The following FLT3 variants were observed in gnomAD, a reference collection of about 807,000 sequenced individuals.
The protein encoded by FLT3 is fms related receptor tyrosine kinase 3.
A neutral mutation model predicts 126.6 loss-of-function variants in FLT3; 46 were observed. The observed-to-expected ratio is 0.36, with a 90% confidence interval of 0.29 to 0.46. The LOEUF (loss-of-function observed/expected upper bound fraction) is 0.46, where lower values mean the gene tolerates loss of function less well. Among genes scored for constraint, FLT3 ranks in the 20% least tolerant of loss-of-function variants. FLT3 has a pLI of 1.00. For synonymous variants in FLT3, 404 were observed against 434.4 expected, an observed-to-expected ratio of 0.93 and a Z score of 0.87; for missense variants, 1,069 against 1,190.3, an observed-to-expected ratio of 0.90 and a Z score of 1.50.
chr13:28,084,115 C>T (rs1240534679), intron 1 of FLT3, among the ~76,000 whole-genome samples: 2 of 151,836 alleles, frequency 1.3e-5, no homozygotes, highest in East Asian at 1.9e-4. Context: ...CATCAGCCTC[C>T]CAACTAGTGA....
Position 28,049,789 on chromosome 13 carries a change from C to A in FLT3, c.743-15G>T, listed in dbSNP as rs758604156. 6.2e-7 allele frequency: 1 copy of A among 1,603,590 alleles called. No homozygotes were observed. ...TTGATTTAGATCTAGGAGATGAAAA[C>A]ATCCCAAGTGAGAAAAAAAAAGTGA... On this transcript the variant is annotated splice_polypyrimidine_tract_variant and intron_variant, in intron 6 of 23. Transcript: ENST00000241453.
At chr13:28,006,485 T>C (rs1269286178) in intron 23 of FLT3, among the ~76,000 whole-genome samples, 2 of 152,176 alleles carry the variant, frequency 1.3e-5, no homozygotes, top group Non-Finnish European at 2.9e-5. Context: ...GTTGAACCTG[T>C]TGAATCCAAA....
chr13:28,087,838 T>C (rs923544989), intron 1 of FLT3, among the ~76,000 whole-genome samples: 2 of 152,210 alleles, frequency 1.3e-5, no homozygotes, highest in Admixed American at 6.5e-5. Flanking sequence ...TTTTCATCCT[T>C]AGTAGTTCAA....
chr13:28,047,092 C>G (rs773223449), intron 9 of FLT3, among the ~76,000 whole-genome samples: 3 of 152,034 alleles, frequency 2.0e-5, no homozygotes, highest in Non-Finnish European at 4.4e-5. Flanking sequence ...ACCAAAGGTT[C>G]TCATTAAAAA....
At chr13:28,049,222 G>A (rs1875194715) in intron 8 of FLT3, among the ~76,000 whole-genome samples, 162 bp downstream of exon 8, 1 of 152,224 alleles carries the variant, frequency 6.6e-6, no homozygotes, top group African/African-American at 2.4e-5. Context: ...GGAAAAGGAA[G>A]AGGGTGGGCA....
intron 9 of FLT3, among the ~76,000 whole-genome samples, chr13:28,044,290 A>G (rs1375869175): frequency 6.6e-6 from 1 of 151,982 alleles, no homozygotes; most frequent in Non-Finnish European, 1.5e-5. Flanking sequence ...CTCTACTAAA[A>G]ATACAAAAAA....
At chr13:28,008,810 CT>C (rs1158857887) in intron 23 of FLT3, among the ~76,000 whole-genome samples, 2 of 151,970 alleles carry the variant, frequency 1.3e-5, no homozygotes, top group Middle Eastern at 3.4e-3. Flanking sequence ...AATTTGGGGG[CT>C]TTTTTGGTTG....
chr13:28,060,068 C>G (rs1876395805), intron 3 of FLT3, among the ~76,000 whole-genome samples: 1 of 151,432 alleles, frequency 6.6e-6, no homozygotes, highest in Admixed American at 6.6e-5. Flanking sequence ...TTATCTTTAA[C>G]ATGATATCCA....
intron 1 of FLT3, among the ~76,000 whole-genome samples, chr13:28,071,010 T>C (rs1404937074): frequency 6.8e-5 from 10 of 146,954 alleles, no homozygotes; most frequent in African/African-American, 2.5e-4. Context: ...TTTTTTTTTT[T>C]TTGAGATGGA....
chr13:28,051,886 G>T (rs895911320), intron 5 of FLT3, among the ~76,000 whole-genome samples: 2 of 151,462 alleles, frequency 1.3e-5, no homozygotes, highest in Non-Finnish European at 2.9e-5. Context: ...TTTAAAATCA[G>T]TATCTTTCTT....
chr13:28,091,295 C>A (rs969578449), intron 1 of FLT3, among the ~76,000 whole-genome samples: 1 of 130,024 alleles, frequency 7.7e-6, no homozygotes, highest in Non-Finnish European at 1.6e-5. Flanking sequence ...GATCTCGGCT[C>A]ACTGCAAGCT....
chr13:28,028,084 T>C (rs1872968809), intron 16 of FLT3, 94 bp downstream of exon 16: 1 of 623,632 alleles, frequency 1.6e-6, no homozygotes, highest in Non-Finnish European at 2.8e-6. Context: ...AGACAAAGAA[T>C]TAAAAAGAGA....
intron 2 of FLT3, among the ~76,000 whole-genome samples, chr13:28,062,519 G>C (rs1876662684): frequency 6.6e-6 from 1 of 152,048 alleles, no homozygotes; most frequent in Admixed American, 6.6e-5. Flanking sequence ...GAGGCAGGCA[G>C]ATCACTTGAA....
chr13:28,050,075 G>A lies in FLT3; in HGVS notation c.742+20C>T, dbSNP rs1875296259. On this transcript the variant is annotated intron_variant, in intron 6 of 23. Transcript: ENST00000241453. ...AGAACCGGTCACTGAAAATGAAAGT[G>A]CATGATATTATAGTGTTACCTATTG... 3 of 1,611,146 alleles carry A rather than the reference G, an allele frequency of 1.9e-6. No individual in the cohort carries two copies. The highest frequency in any genetic ancestry group is 2.2e-5 in the South Asian group (2 of 90,726).
intron 9 of FLT3, among the ~76,000 whole-genome samples, chr13:28,044,658 T>C (rs189986017): frequency 6.6e-6 from 1 of 152,272 alleles, no homozygotes; most frequent in Admixed American, 6.5e-5. Flanking sequence ...CATCTTTCCT[T>C]TGCTGTGTGT....
intron 9 of FLT3, among the ~76,000 whole-genome samples, chr13:28,039,999 A>C (rs1468726058): frequency 6.6e-6 from 1 of 152,136 alleles, no homozygotes; most frequent in East Asian, 1.9e-4. Flanking sequence ...TTGGCCTATG[A>C]AGAGTGTTTT....
chr13:28,010,008 T>C (rs188846905), intron 23 of FLT3, among the ~76,000 whole-genome samples: 129 of 152,256 alleles, frequency 8.5e-4, no homozygotes, highest in African/African-American at 3.0e-3. Context: ...CTGCCTAGTG[T>C]GCTCCCTCAG....
At chr13:28,061,772 C>CA (rs1173582311) in intron 3 of FLT3, 95 bp downstream of exon 3, 7,061 of 780,356 alleles carry the variant, frequency 9.0e-3, no homozygotes, top group Non-Finnish European at 0.011. Context: ...CCCTGACTCA[C>CA]AAAAAAAAAA....
At chr13:28,008,479 T>C (rs1871107473) in intron 23 of FLT3, among the ~76,000 whole-genome samples, 1 of 152,020 alleles carries the variant, frequency 6.6e-6, no homozygotes, top group Non-Finnish European at 1.5e-5. Flanking sequence ...TTTTATTTTA[T>C]TTATTTATTT....
Sources: allele counts gnomAD v4.1 joint callset (sites outside exome capture counted in the v4.1 genomes callset), GRCh38; gene constraint gnomAD v4.1.1; transcripts MANE v1.5; gene names NCBI Gene and HGNC (gene_info 2026-07-23, HGNC 2026-07-21).